The following CADPS2 variants were observed in gnomAD, a reference collection of about 807,000 sequenced individuals.
CADPS2 encodes calcium-dependent secretion activator 2.
CADPS2 carries 93 observed loss-of-function variants against 172.5 expected under a neutral mutation model. That is an observed-to-expected ratio of 0.54 (90% CI 0.46 to 0.64). CADPS2 has a LOEUF of 0.64. Ranked by LOEUF, CADPS2 falls within the 30% of genes least tolerant of loss-of-function variation. The pLI is 0.00. For missense variants in CADPS2, 1,420 were observed against 1,565.9 expected (o/e 0.91, Z 1.57); for synonymous variants, 546 against 555.2 (o/e 0.98, Z 0.23).
Position 122,883,439 on chromosome 7 carries a change from C to A in CADPS2, c.339+2560G>T, listed in dbSNP as rs1823486108. Reference sequence around the variant, plus strand: ...ATGACAACAATTTCAGCTATTAAATCTTTTTACTGGATGCCTGACTACTTG... The same window carrying A: ...ATGACAACAATTTCAGCTATTAAATATTTTTACTGGATGCCTGACTACTTG... On this transcript the variant is annotated intron_variant, in intron 1 of 29. Transcript: ENST00000449022. Among the ~76,000 whole-genome samples the A allele has an allele frequency of 1.3e-5, 2 of 152,132 alleles. 1 individual carries two copies. Among genetic ancestry groups the A allele is most frequent in the Admixed American group, 1.3e-4 (2 of 15,258 alleles).
At chr7:122,808,182 T>C (rs569586987) in intron 1 of CADPS2, among the ~76,000 whole-genome samples, 13 of 152,182 alleles carry the variant, frequency 8.5e-5, no homozygotes, top group Admixed American at 2.0e-4. Context: ...CTTCTATGTG[T>C]CTTCTGTAGA....
chr7:122,832,269 A>G (rs1421045443), intron 1 of CADPS2, among the ~76,000 whole-genome samples: 1 of 152,068 alleles, frequency 6.6e-6, no homozygotes, highest in African/African-American at 2.4e-5. Context: ...AAACAGAGAA[A>G]AAAAACTGGA....
At chr7:122,492,829 G>C (rs967230470) in intron 9 of CADPS2, among the ~76,000 whole-genome samples, 1 of 151,968 alleles carries the variant, frequency 6.6e-6, no homozygotes, top group African/African-American at 2.4e-5. Context: ...CTCCTGAATA[G>C]CTGGACCACA....
chr7:122,793,648 G>A (rs760054093), intron 1 of CADPS2, among the ~76,000 whole-genome samples: 5 of 152,096 alleles, frequency 3.3e-5, no homozygotes, highest in South Asian at 4.1e-4. Context: ...GTATTGATAC[G>A]TGTGAATTTG....
chr7:122,617,999 G>A (rs1054292155), intron 5 of CADPS2, among the ~76,000 whole-genome samples: 3 of 151,104 alleles, frequency 2.0e-5, no homozygotes, highest in Non-Finnish European at 4.4e-5. Flanking sequence ...AGCCGAGATC[G>A]TGCCACTGCA....
chr7:122,607,027 G>A (rs1022046402), intron 6 of CADPS2, among the ~76,000 whole-genome samples: 3 of 148,764 alleles, frequency 2.0e-5, no homozygotes, highest in African/African-American at 7.4e-5. Context: ...TGCTAACCAA[G>A]AGAGAACTAC....
chr7:122,578,743 G>A (rs1422369996), intron 7 of CADPS2, among the ~76,000 whole-genome samples: 2 of 152,156 alleles, frequency 1.3e-5, no homozygotes, highest in Non-Finnish European at 2.9e-5. Context: ...AGATCATAGT[G>A]ACTGAGGTAT....
chr7:122,436,382 TA>T, intron 17 of CADPS2: 1 of 1,278,156 alleles, frequency 7.8e-7, no homozygotes, highest in African/African-American at 1.5e-5. Flanking sequence ...CTGCTGGGCC[TA>T]AAACATAAGA....
intron 23 of CADPS2, 145 bp from the exon 24 acceptor site, chr7:122,387,318 G>T: frequency 1.4e-6 from 1 of 724,756 alleles, no homozygotes; most frequent in East Asian, 2.8e-5. Flanking sequence ...GGAGCTAAGG[G>T]GTGGGATGCT....
At chr7:122,863,344 T>C (rs1266273123) in intron 1 of CADPS2, among the ~76,000 whole-genome samples, 2 of 152,220 alleles carry the variant, frequency 1.3e-5, no homozygotes, top group Non-Finnish European at 2.9e-5. Context: ...GCCTACATAA[T>C]GTTTAAGAGA....
rs2150634924 is a variant in CADPS2 at position 122,318,448 on chromosome 7, T to C, written c.*1717A>G. The C allele has an allele frequency of 6.6e-6, 1 of 152,358 alleles. No individual in the cohort carries two copies. Among genetic ancestry groups the C allele is most frequent in the South Asian group, 2.1e-4 (1 of 4,826 alleles). 9.4% of individuals were successfully genotyped at this position (152,358 alleles called of 1,614,324 possible). On this transcript the variant is annotated 3_prime_UTR_variant, in exon 30 of 30. Transcript: ENST00000449022. Reference sequence around the variant, plus strand: ...CTGTATCAAGGAAATGGACATTTTATTGAAAGGAAAAGAAGGGTGGGTAAT... The same window carrying C: ...CTGTATCAAGGAAATGGACATTTTACTGAAAGGAAAAGAAGGGTGGGTAAT...
At chr7:122,736,157 A>G (rs2092132971) in intron 2 of CADPS2, among the ~76,000 whole-genome samples, 1 of 152,210 alleles carries the variant, frequency 6.6e-6, no homozygotes, top group South Asian at 2.1e-4. Context: ...AAATCCAATC[A>G]GTTAACAGTA....
intron 6 of CADPS2, among the ~76,000 whole-genome samples, chr7:122,614,367 T>C (rs530539211): frequency 6.6e-6 from 1 of 152,302 alleles, no homozygotes; most frequent in African/African-American, 2.4e-5. Context: ...ACATTTCTCA[T>C]ATATCTTCAG....
At chr7:122,419,170 A>T (rs959523400) in intron 17 of CADPS2, among the ~76,000 whole-genome samples, 1 of 152,206 alleles carries the variant, frequency 6.6e-6, no homozygotes, top group African/African-American at 2.4e-5. Context: ...ATGTTTACTG[A>T]GAATGCAGCA....
intron 24 of CADPS2, among the ~76,000 whole-genome samples, chr7:122,380,040 T>C (rs1474100583): frequency 6.6e-6 from 1 of 152,040 alleles, no homozygotes; most frequent in Admixed American, 6.6e-5. Flanking sequence ...CCATAAAAGG[T>C]ATAATGAAAC....
At chr7:122,362,269 G>C (rs545954518) in intron 25 of CADPS2, among the ~76,000 whole-genome samples, 1 of 152,242 alleles carries the variant, frequency 6.6e-6, no homozygotes, top group South Asian at 2.1e-4. Flanking sequence ...TTACGTAGCA[G>C]TTATGGAGAG....
chr7:122,641,999 G>A (rs2430051), intron 3 of CADPS2, among the ~76,000 whole-genome samples: 115 of 152,212 alleles, frequency 7.6e-4, no homozygotes, highest in African/African-American at 2.7e-3. Flanking sequence ...AGAAATTGAG[G>A]CCGGCCGTGG....
intron 1 of CADPS2, among the ~76,000 whole-genome samples, chr7:122,822,415 G>T (rs939326229): frequency 6.6e-6 from 1 of 151,524 alleles, no homozygotes; most frequent in Non-Finnish European, 1.5e-5. Context: ...TTCCCACACC[G>T]CCCCTAATCC....
At chr7:122,353,073 G>A (rs1296913928) in intron 27 of CADPS2, among the ~76,000 whole-genome samples, 2 of 152,072 alleles carry the variant, frequency 1.3e-5, no homozygotes, top group Non-Finnish European at 2.9e-5. Flanking sequence ...CATAATGAGG[G>A]AGGCAGCACA....
Sources: gnomAD v4.1 joint callset for allele counts (sites outside exome capture counted in the v4.1 genomes callset) on GRCh38, gnomAD v4.1.1 for gene constraint, MANE v1.5 for transcripts, NCBI Gene and HGNC (gene_info 2026-07-23, HGNC 2026-07-21) for gene names.